SGCZ: variants seen among roughly 807,000 people sequenced by gnomAD.
SGCZ encodes the protein zeta-sarcoglycan.
Under a neutral mutation model 41.3 loss-of-function variants are expected in SGCZ, and 40 were observed. That is an observed-to-expected ratio of 0.97 (90% CI 0.75 to 1.26). SGCZ has a LOEUF of 1.26. Among genes scored for constraint, SGCZ ranks in the 50% most tolerant of loss-of-function variants. The pLI, the probability that SGCZ is intolerant of heterozygous loss-of-function variation, is 0.00. For missense variants in SGCZ, 552 were observed against 369.8 expected (o/e 1.49, Z -4.04); for synonymous variants, 206 against 137.5 (o/e 1.50, Z -3.49).
At chr8:14,931,654 T>TA (rs1799925411) in intron 1 of SGCZ, among the ~76,000 whole-genome samples, 1 of 152,042 alleles carries the variant, frequency 6.6e-6, no homozygotes, top group South Asian at 2.1e-4. Context: ...AAAGATTGAA[T>TA]AAATTAATGT....
At chr8:14,714,900 T>C (rs1278938671) in intron 1 of SGCZ, among the ~76,000 whole-genome samples, 1 of 152,120 alleles carries the variant, frequency 6.6e-6, no homozygotes, top group African/African-American at 2.4e-5. Context: ...ATTTTAAAAT[T>C]AAATCAATGT....
At chr8:14,365,330 T>C (rs993723888) in intron 2 of SGCZ, among the ~76,000 whole-genome samples, 1 of 152,132 alleles carries the variant, frequency 6.6e-6, no homozygotes, top group Admixed American at 6.6e-5. Flanking sequence ...ATAATTTTTG[T>C]ATTGTATTAC....
intron 3 of SGCZ, among the ~76,000 whole-genome samples, chr8:14,255,131 C>T (rs772657164): frequency 6.6e-5 from 10 of 152,070 alleles, no homozygotes; most frequent in Admixed American, 1.3e-4. Flanking sequence ...GTTCACATCA[C>T]GACACTACAC....
At chr8:15,193,065 A>T (rs1800592022) in intron 1 of SGCZ, among the ~76,000 whole-genome samples, 1 of 152,052 alleles carries the variant, frequency 6.6e-6, no homozygotes, top group African/African-American at 2.4e-5. Context: ...GGAGGTGGAA[A>T]TGAGGGTATA....
intron 2 of SGCZ, among the ~76,000 whole-genome samples, chr8:14,453,991 C>CAA (rs141086979): frequency 1.7e-4 from 26 of 149,376 alleles, no homozygotes; most frequent in African/African-American, 4.7e-4. Flanking sequence ...GACAGTGACA[C>CAA]AAAAAAAAAA....
At chr8:14,611,698 C>T (rs922594523) in intron 1 of SGCZ, among the ~76,000 whole-genome samples, 8 of 152,068 alleles carry the variant, frequency 5.3e-5, no homozygotes, top group Non-Finnish European at 7.4e-5. Flanking sequence ...CAAGATTTTT[C>T]ATAAAGAAAT....
intron 1 of SGCZ, among the ~76,000 whole-genome samples, chr8:14,680,186 AG>A (rs1808397857): frequency 6.6e-6 from 1 of 152,126 alleles, no homozygotes; most frequent in African/African-American, 2.4e-5. Flanking sequence ...TGGTTGCAAG[AG>A]GTGAAGTGGA....
intron 3 of SGCZ, among the ~76,000 whole-genome samples, chr8:14,245,394 G>T (rs1799049271): frequency 6.6e-6 from 1 of 152,168 alleles, no homozygotes; most frequent in Non-Finnish European, 1.5e-5. Context: ...CTAGCCATAT[G>T]TAGAAAGCTG....
chr8:14,695,145 C>T (rs1431686468), intron 1 of SGCZ, among the ~76,000 whole-genome samples: 1 of 151,598 alleles, frequency 6.6e-6, no homozygotes, highest in Non-Finnish European at 1.5e-5. Context: ...ATCTTAGTTG[C>T]AATGGGAGTT....
At chr8:14,703,915 T>A (rs1809248409) in intron 1 of SGCZ, among the ~76,000 whole-genome samples, 1 of 152,054 alleles carries the variant, frequency 6.6e-6, no homozygotes, top group Non-Finnish European at 1.5e-5. Context: ...TGAAGTTTAA[T>A]GAGCAGGAAT....
intron 4 of SGCZ, among the ~76,000 whole-genome samples, chr8:14,203,089 A>G (rs1805507712): frequency 6.6e-6 from 1 of 152,146 alleles, no homozygotes; most frequent in African/African-American, 2.4e-5. Flanking sequence ...GCCTTCCACC[A>G]TGATTGTGAG....
At chr8:14,334,229 C>A (rs534840696) in intron 2 of SGCZ, among the ~76,000 whole-genome samples, 1 of 152,162 alleles carries the variant, frequency 6.6e-6, no homozygotes, top group Non-Finnish European at 1.5e-5. Flanking sequence ...TTCTTCTAGA[C>A]TCATAAGACA....
At chr8:14,536,265 G>T (rs1049734257) in intron 2 of SGCZ, among the ~76,000 whole-genome samples, 1 of 151,766 alleles carries the variant, frequency 6.6e-6, no homozygotes. Context: ...CATTCATGTT[G>T]ATAAGAAAAT....
chr8:14,688,372 G>T (rs1386325455), intron 1 of SGCZ, among the ~76,000 whole-genome samples: 3 of 152,070 alleles, frequency 2.0e-5, no homozygotes, highest in Admixed American at 6.6e-5. Flanking sequence ...AATTTTTGTA[G>T]AAGGTGTAAG....
intron 4 of SGCZ, among the ~76,000 whole-genome samples, chr8:14,188,312 T>G (rs1871096): frequency 6.6e-6 from 1 of 152,192 alleles, no homozygotes; most frequent in East Asian, 1.9e-4. Context: ...CTTTTCTTCC[T>G]TTGTGTGATT....
intron 1 of SGCZ, among the ~76,000 whole-genome samples, chr8:14,871,110 G>A (rs900399524): frequency 6.6e-6 from 1 of 152,084 alleles, no homozygotes; most frequent in Non-Finnish European, 1.5e-5. Flanking sequence ...GGGAGGCTGA[G>A]GCAGAAGAAT....
chr8:14,820,804 C>G lies in SGCZ; in HGVS notation c.40-265878G>C, dbSNP rs1802052868. On this transcript the variant is annotated intron_variant, in intron 1 of 7. Coordinates refer to ENST00000382080, the MANE Select transcript of SGCZ (RefSeq NM_139167.4). ...TTCTTGAGACAAACAAAAAGGGAAA[C>G]AACAAAACCTATGGAACATAGCAAA... is the stretch of plus-strand genomic sequence containing the variant. 2.0e-5 allele frequency among the ~76,000 whole-genome samples: 3 copies of G among 149,348 alleles called. No individual in the cohort carries two copies. The South Asian group carries it at 6.3e-4, about 31-fold the overall frequency.
intron 2 of SGCZ, among the ~76,000 whole-genome samples, chr8:14,393,556 C>G (rs1049946066): frequency 1.3e-5 from 2 of 152,186 alleles, no homozygotes; most frequent in Non-Finnish European, 2.9e-5. Context: ...AAATCAGACA[C>G]TGCCTCCTCA....
intron 1 of SGCZ, among the ~76,000 whole-genome samples, chr8:15,233,288 C>A (rs1363002366): frequency 5.4e-5 from 8 of 146,800 alleles, no homozygotes; most frequent in Non-Finnish European, 1.0e-4. Context: ...CTGCAGCAAG[C>A]TTGACTCTCC....
Sources: allele counts gnomAD v4.1 joint callset (sites outside exome capture counted in the v4.1 genomes callset), GRCh38; gene constraint gnomAD v4.1.1; transcripts MANE v1.5; gene names NCBI Gene and HGNC (gene_info 2026-07-23, HGNC 2026-07-21).